ZNF695: variants seen among roughly 807,000 people sequenced by gnomAD.
ZNF695 encodes zinc finger protein SBZF3.
ZNF695 carries 11 observed loss-of-function variants against 11.2 expected under a neutral mutation model. That is an observed-to-expected ratio of 0.98 (90% CI 0.62 to 1.62). The LOEUF is 1.62. ZNF695 is among the 40% of genes most tolerant of loss of function. The pLI is 0.00. For synonymous variants in ZNF695, 190 were observed against 201.4 expected (o/e 0.94, Z 0.48); for missense variants, 559 against 590.5 (o/e 0.95, Z 0.55).
chr1:246,966,512 C>G (rs377016491), intron 5 of ZNF695, among the ~76,000 whole-genome samples: 25 of 151,798 alleles, frequency 1.6e-4, no homozygotes, highest in African/African-American at 6.0e-4. Context: ...TGAGACGGCA[C>G]AGTGAGTCAC....
In ZNF695 at chr1:246,958,270, G is replaced by C. The variant is rs528412817; in HGVS notation, c.488+9425C>G. On this transcript the variant is annotated intron_variant, in intron 5 of 5. Transcript: ENST00000487338. ...AGACAGGGTTTCACCATGTTAGCCA[G>C]GATGTTCTTGATCTCCTGACCTCGT... 6.2e-4 allele frequency among the ~76,000 whole-genome samples: 95 copies of C among 152,114 alleles called. 1 individual carries two copies. The highest frequency in any genetic ancestry group is 2.1e-3 in the African/African-American group (88 of 41,496).
intron 5 of ZNF695, chr1:246,945,838 G>C (rs1278163974): frequency 6.5e-7 from 1 of 1,547,570 alleles, no homozygotes. Context: ...CTGAAAAAAA[G>C]AAAGAAAGAA....
intron 4 of ZNF695, among the ~76,000 whole-genome samples, chr1:246,978,720 T>C (rs1668629012): frequency 6.6e-6 from 1 of 152,190 alleles, no homozygotes; most frequent in Non-Finnish European, 1.5e-5. Context: ...CTGCTGCACG[T>C]AGAATGGACC....
At chr1:246,971,444 CAG>C (rs1341281556) in intron 4 of ZNF695, among the ~76,000 whole-genome samples, 1 of 152,118 alleles carries the variant, frequency 6.6e-6, no homozygotes, top group Non-Finnish European at 1.5e-5. Context: ...GGTGGTGGAG[CAG>C]AGTCTTGTCT....
At chr1:246,982,751 T>TTACG (rs1668742422), downstream of ZNF695, among the ~76,000 whole-genome samples, 1 of 152,050 alleles carries the variant, frequency 6.6e-6, no homozygotes, top group South Asian at 2.1e-4. Flanking sequence ...GGCGGGCAGA[T>TTACG]TACGAAGTCA....
chr1:246,959,302 A>AT (rs1668092779), intron 5 of ZNF695, among the ~76,000 whole-genome samples: 27 of 70,834 alleles, frequency 3.8e-4, no homozygotes, highest in Non-Finnish European at 2.9e-4. Context: ...AAAAAAAAAA[A>AT]AAAAAAAAAT....
downstream of ZNF695, among the ~76,000 whole-genome samples, chr1:246,984,214 A>C (rs6426194): frequency 0.52 from 68,592 of 133,114 alleles, 20,940 homozygotes; most frequent in East Asian, 0.97. Context: ...TAGAATGTAC[A>C]AAGTACTATA....
chr1:246,971,334 G>A (rs1050453677), intron 4 of ZNF695, among the ~76,000 whole-genome samples: 10 of 152,326 alleles, frequency 6.6e-5, no homozygotes, highest in African/African-American at 9.6e-5. Flanking sequence ...ACATGAAAGC[G>A]GGCCAGGAGT....
intron 4 of ZNF695, among the ~76,000 whole-genome samples, chr1:246,970,004 G>A (rs577630869): frequency 6.6e-6 from 1 of 152,318 alleles, no homozygotes; most frequent in South Asian, 2.1e-4. Context: ...CCAAACCACA[G>A]GCCTTGTAAA....
intron 5 of ZNF695, among the ~76,000 whole-genome samples, chr1:246,959,418 A>G (rs1668107120): frequency 7.1e-6 from 1 of 141,000 alleles, no homozygotes; most frequent in Non-Finnish European, 1.5e-5. Context: ...TAGAACCCAA[A>G]ATGGGCATTT....
chr1:246,957,298 G>A (rs544632795), intron 5 of ZNF695, among the ~76,000 whole-genome samples: 51 of 151,758 alleles, frequency 3.4e-4, no homozygotes, highest in Non-Finnish European at 6.0e-4. Flanking sequence ...CAGGAGAATC[G>A]CTTGAACTAG....
At chr1:246,947,639 G>A (rs940068236) in intron 5 of ZNF695, among the ~76,000 whole-genome samples, 2 of 148,182 alleles carry the variant, frequency 1.3e-5, no homozygotes, top group African/African-American at 2.5e-5. Context: ...TATATCGGGC[G>A]TTTCCATGCA....
chr1:246,948,981 G>T (rs1256566370), intron 5 of ZNF695, among the ~76,000 whole-genome samples: 1 of 152,154 alleles, frequency 6.6e-6, no homozygotes, highest in Non-Finnish European at 1.5e-5. Flanking sequence ...TTTAGTAGGT[G>T]TCTGATGAAT....
Position 246,985,345 on chromosome 1 carries a change from C to G in ZNF695, c.*1622G>C, listed in dbSNP as rs1458760312. 1 of 984,092 alleles carries G rather than the reference C, an allele frequency of 1.0e-6. No homozygotes were observed. Among genetic ancestry groups the G allele is most frequent in the African/African-American group, 1.7e-5 (1 of 57,162 alleles). The allele number at this position is 984,092 out of a possible 1,614,324, so 61.0% of individuals were successfully genotyped here. On this transcript the variant is annotated 3_prime_UTR_variant, in exon 4 of 4. Coordinates refer to ENST00000339986, the MANE Select transcript of ZNF695 (RefSeq NM_020394.5). ...GTCTTTGATTATAATCCTATATAGGCTTTATTATAGCCTTAATAATGACAC... is the reference window on the plus strand; with the variant it reads ...GTCTTTGATTATAATCCTATATAGGGTTTATTATAGCCTTAATAATGACAC...
At chr1:246,950,552 G>A (rs1360077109) in intron 5 of ZNF695, among the ~76,000 whole-genome samples, 2 of 150,384 alleles carry the variant, frequency 1.3e-5, no homozygotes, top group African/African-American at 4.9e-5. Flanking sequence ...TCGGGAGGCT[G>A]AGGCAGGAGA....
chr1:246,971,026 GC>G (rs1668410644), intron 4 of ZNF695, among the ~76,000 whole-genome samples: 1 of 152,180 alleles, frequency 6.6e-6, no homozygotes, highest in Non-Finnish European at 1.5e-5. Context: ...AGACAGCTGG[GC>G]CCAGGGGACT....
rs1668887727 is a variant in ZNF695, at chr1:246,987,477, A to G, written c.1038T>C (p.His346=). 9.3e-6 allele frequency: 15 copies of G among 1,611,780 alleles called. 1 individual carries two copies. Among genetic ancestry groups the G allele is most frequent in the Non-Finnish European group, 1.3e-5 (15 of 1,178,938 alleles). ...CACATCGGAAGGTTTTCTCTCCAGT[A>G]TGAATTCTTCTATGTTGAGTAAGGT... ...LSYLTQHRRI[H]TGEKTFRCEE... Residue 346 remains histidine (H), a synonymous_variant, in exon 4 of 4, where the codon CAT becomes CAC. Transcript: ENST00000339986.
At chr1:246,975,348 T>C (rs1224988594) in intron 4 of ZNF695, among the ~76,000 whole-genome samples, 1 of 152,256 alleles carries the variant, frequency 6.6e-6, no homozygotes, top group Non-Finnish European at 1.5e-5. Flanking sequence ...ATTTATTGGA[T>C]AGTGTATTTT....
At chr1:246,967,439 G>C (rs1399860897) in intron 5 of ZNF695, 1 of 456,452 alleles carries the variant, frequency 2.2e-6, no homozygotes, top group Non-Finnish European at 4.4e-6. Flanking sequence ...TTAAAGGTCA[G>C]ATAGGATCTC....
Sources: gnomAD v4.1 joint callset for allele counts (sites outside exome capture counted in the v4.1 genomes callset) on GRCh38, gnomAD v4.1.1 for gene constraint, MANE v1.5 for transcripts, NCBI Gene and HGNC (gene_info 2026-07-23, HGNC 2026-07-21) for gene names.